ANKS1B: variants seen among roughly 807,000 people sequenced by gnomAD.
ANKS1B encodes the protein ankyrin repeat and sterile alpha motif domain-containing protein 1B.
ANKS1B carries 36 observed loss-of-function variants against 148.3 expected under a neutral mutation model. The ratio of observed to expected loss-of-function variants is 0.24; its 90% CI spans 0.19 to 0.32. ANKS1B has a LOEUF of 0.32. Ranked by LOEUF, ANKS1B falls within the 10% of genes least tolerant of loss-of-function variation. The pLI is 1.00. For synonymous variants in ANKS1B, 542 were observed against 560.8 expected, an observed-to-expected ratio of 0.97 and a Z score of 0.47; for missense variants, 1,157 against 1,542.6, an observed-to-expected ratio of 0.75 and a Z score of 4.19.
At chr12:99,058,891 C>A (rs530701810) in intron 16 of ANKS1B, among the ~76,000 whole-genome samples, 3 of 151,188 alleles carry the variant, frequency 2.0e-5, no homozygotes, top group Non-Finnish European at 3.0e-5. Flanking sequence ...GCGCCCGCTA[C>A]CACGCCCGGC....
At chr12:99,563,060 G>A (rs1392506716) in intron 9 of ANKS1B, among the ~76,000 whole-genome samples, 1 of 152,140 alleles carries the variant, frequency 6.6e-6, no homozygotes, top group Non-Finnish European at 1.5e-5. Flanking sequence ...TCATAAAATT[G>A]AAGAGAGTTA....
intron 15 of ANKS1B, among the ~76,000 whole-genome samples, chr12:99,134,802 GT>G (rs1297632822): frequency 1.1e-4 from 16 of 152,038 alleles, no homozygotes; most frequent in East Asian, 9.7e-4. Context: ...AACTAGTACA[GT>G]GGTGTTTGGG....
chr12:99,039,141 C>T (rs917045320), intron 17 of ANKS1B, among the ~76,000 whole-genome samples: 1 of 152,146 alleles, frequency 6.6e-6, no homozygotes, highest in Non-Finnish European at 1.5e-5. Context: ...TGTCGTCTTC[C>T]CAGTTGGACA....
chr12:98,782,550 G>A (rs1162282754), intron 22 of ANKS1B, among the ~76,000 whole-genome samples: 2 of 152,162 alleles, frequency 1.3e-5, no homozygotes, highest in Non-Finnish European at 2.9e-5. Flanking sequence ...AATTCAGGAA[G>A]GCTTTTAATT....
chr12:99,424,170 T>C (rs1422603252), intron 11 of ANKS1B, among the ~76,000 whole-genome samples: 2 of 152,176 alleles, frequency 1.3e-5, no homozygotes, highest in African/African-American at 2.4e-5. Flanking sequence ...ATATAATAAG[T>C]AGGGAAATAC....
intron 17 of ANKS1B, among the ~76,000 whole-genome samples, chr12:99,009,407 C>T (rs4762535): frequency 6.6e-6 from 1 of 151,934 alleles, no homozygotes; most frequent in African/African-American, 2.4e-5. Context: ...AAGAAGAGGG[C>T]CATTGTGGGG....
chr12:99,089,602 T>C (rs1257853827), intron 15 of ANKS1B, among the ~76,000 whole-genome samples: 3 of 152,156 alleles, frequency 2.0e-5, no homozygotes, highest in Non-Finnish European at 4.4e-5. Context: ...GGGAATCAAA[T>C]CAGGGACTCA....
At chr12:98,824,383 G>T (rs1401079444) in intron 19 of ANKS1B, among the ~76,000 whole-genome samples, 1 of 152,170 alleles carries the variant, frequency 6.6e-6, no homozygotes, top group African/African-American at 2.4e-5. Context: ...ACAACCACCG[G>T]AGCACTTGCC....
chr12:99,829,809 G>A (rs1603184460), intron 1 of ANKS1B, among the ~76,000 whole-genome samples: 1 of 152,086 alleles, frequency 6.6e-6, no homozygotes, highest in Non-Finnish European at 1.5e-5. Flanking sequence ...CAGCCTGGGC[G>A]ACAGAGTGAG....
At chr12:99,194,531 A>G (rs73377310) in intron 14 of ANKS1B, among the ~76,000 whole-genome samples, 3,979 of 152,226 alleles carry the variant, frequency 0.026, 170 homozygotes, top group African/African-American at 0.09. Context: ...CTTCATCCAC[A>G]AATTTTGAGG....
At chr12:98,855,323 A>G (rs2099559778) in intron 17 of ANKS1B, among the ~76,000 whole-genome samples, 1 of 152,220 alleles carries the variant, frequency 6.6e-6, no homozygotes, top group South Asian at 2.1e-4. Flanking sequence ...TGAAGGAGGC[A>G]GTGGCCATAT....
At chr12:99,955,530 G>T (rs897966994) in intron 1 of ANKS1B, among the ~76,000 whole-genome samples, 5 of 103,730 alleles carry the variant, frequency 4.8e-5, no homozygotes, top group Admixed American at 2.0e-4. Context: ...AAAAAAAAAG[G>T]CCTTCTCCTG....
chr12:99,709,978 T>C (rs1270647569), intron 8 of ANKS1B, among the ~76,000 whole-genome samples: 1 of 152,148 alleles, frequency 6.6e-6, no homozygotes, highest in Non-Finnish European at 1.5e-5. Context: ...TCTTACTTCA[T>C]CCTCAGATGT....
chr12:99,738,008 A>G (rs1349254644), intron 8 of ANKS1B, among the ~76,000 whole-genome samples: 1 of 152,194 alleles, frequency 6.6e-6, no homozygotes, highest in East Asian at 1.9e-4. Flanking sequence ...ACATGCCAGC[A>G]ATTGCATTAG....
chr12:98,984,010 T>C (rs537401831), intron 17 of ANKS1B, among the ~76,000 whole-genome samples: 1 of 152,348 alleles, frequency 6.6e-6, no homozygotes, highest in African/African-American at 2.4e-5. Context: ...GTCCAGCTGG[T>C]AGTATTTCTG....
chr12:98,798,612 A>G (rs952216551), intron 22 of ANKS1B, among the ~76,000 whole-genome samples: 1 of 152,174 alleles, frequency 6.6e-6, no homozygotes, highest in Admixed American at 6.5e-5. Flanking sequence ...ATATTCTCAG[A>G]CTATTCAGTG....
intron 12 of ANKS1B, among the ~76,000 whole-genome samples, chr12:99,385,988 T>C (rs2093843546): frequency 6.6e-6 from 1 of 152,234 alleles, no homozygotes; most frequent in Non-Finnish European, 1.5e-5. Context: ...TGTGCTTATG[T>C]GCTTTTCAGA....
At chr12:99,074,206 T>A (rs561257639) in intron 16 of ANKS1B, among the ~76,000 whole-genome samples, 1 of 152,162 alleles carries the variant, frequency 6.6e-6, no homozygotes, top group African/African-American at 2.4e-5. Context: ...TAGCAATAGA[T>A]CAGAACCTAT....
At chr12:99,908,059 A>G (rs1341704349) in intron 1 of ANKS1B, among the ~76,000 whole-genome samples, 1 of 152,200 alleles carries the variant, frequency 6.6e-6, no homozygotes, top group African/African-American at 2.4e-5. Context: ...AAGTGGGAAC[A>G]TAGCAAATAG....
Sources: allele counts gnomAD v4.1 joint callset (sites outside exome capture counted in the v4.1 genomes callset), GRCh38; gene constraint gnomAD v4.1.1; transcripts MANE v1.5; gene names NCBI Gene and HGNC (gene_info 2026-07-23, HGNC 2026-07-21).